The following FHIT variants were observed in gnomAD, a reference collection of about 807,000 sequenced individuals.
FHIT encodes bis(5'-adenosyl)-triphosphatase.
FHIT carries 19 observed loss-of-function variants against 17.9 expected under a neutral mutation model. That is an observed-to-expected ratio of 1.06 (90% CI 0.74 to 1.56). FHIT has a LOEUF of 1.56. Ranked by LOEUF, FHIT falls within the 40% of genes most tolerant of loss-of-function variation. The pLI is 0.00. For missense variants in FHIT, 248 were observed against 189.2 expected (o/e 1.31, Z -1.82); for synonymous variants, 81 against 69.7 (o/e 1.16, Z -0.81).
At chr3:60,391,547 T>C (rs956651493) in intron 5 of FHIT, among the ~76,000 whole-genome samples, 2 of 152,222 alleles carry the variant, frequency 1.3e-5, no homozygotes, top group East Asian at 3.8e-4. Context: ...AAGTGCCCTG[T>C]ACAGGTCTAC....
At position 60,088,226 on chromosome 3, in the gene FHIT, C is replaced by G. The variant is rs529119744; in HGVS notation, c.104-74074G>C. Among the ~76,000 whole-genome samples the G allele has an allele frequency of 1.1e-4, 17 of 152,262 alleles. No homozygotes were observed. In the South Asian group the frequency reaches 1.9e-3, roughly 17 times the overall value. ...AGGCATTAATCTATTCATGACGGAT[C>G]TGCCTTCATGATCCGAACACCTCCC... On this transcript the variant is annotated intron_variant, in intron 5 of 9. Transcript: ENST00000492590.
At chr3:60,945,154 C>T (rs1708584860) in intron 3 of FHIT, among the ~76,000 whole-genome samples, 1 of 151,924 alleles carries the variant, frequency 6.6e-6, no homozygotes, top group Non-Finnish European at 1.5e-5. Flanking sequence ...TTTGAGCAGA[C>T]ACCTAAGTGC....
intron 5 of FHIT, among the ~76,000 whole-genome samples, chr3:60,218,213 A>G (rs1703789679): frequency 6.6e-6 from 1 of 152,312 alleles, no homozygotes; most frequent in East Asian, 1.9e-4. Flanking sequence ...ACCACTGAAT[A>G]AGAAATTAAA....
chr3:61,053,843 A>G lies in FHIT; in HGVS notation c.-163-11744T>C, dbSNP rs547930661. On this transcript the variant is annotated intron_variant, in intron 2 of 9. Transcript: ENST00000492590. ...GAGAAATTACTAGACAAGAATCAGCAATCTGGAGCGAACCCAATCTAAAGG... is the reference window on the plus strand; with the variant it reads ...GAGAAATTACTAGACAAGAATCAGCGATCTGGAGCGAACCCAATCTAAAGG... Among the ~76,000 whole-genome samples, 5 of 152,314 alleles carry G rather than the reference A, an allele frequency of 3.3e-5. No individual in the cohort carries two copies. In the East Asian group the frequency reaches 9.6e-4, roughly 29 times the overall value.
chr3:60,958,267 G>A (rs1272975845), intron 3 of FHIT, among the ~76,000 whole-genome samples: 2 of 151,968 alleles, frequency 1.3e-5, no homozygotes, highest in African/African-American at 4.8e-5. Flanking sequence ...AATAAGGCAC[G>A]GTAAAATTCT....
chr3:59,760,157 A>C (rs571425149), intron 8 of FHIT, among the ~76,000 whole-genome samples: 1 of 152,338 alleles, frequency 6.6e-6, no homozygotes, highest in East Asian at 1.9e-4. Flanking sequence ...CTTGAGTAAA[A>C]GCAAGTATTT....
At chr3:60,496,770 G>T (rs1157206217) in intron 5 of FHIT, among the ~76,000 whole-genome samples, 5 of 151,962 alleles carry the variant, frequency 3.3e-5, no homozygotes, top group Non-Finnish European at 1.5e-5. Flanking sequence ...TTCCACTCAG[G>T]GACTAGAATA....
At position 60,378,513 on chromosome 3, in the gene FHIT, T is replaced by G. The variant is rs1001860739; in HGVS notation, c.103+158347A>C. 5.3e-5 allele frequency among the ~76,000 whole-genome samples: 8 copies of G among 152,060 alleles called. 1 individual carries two copies. Among genetic ancestry groups the G allele is most frequent in the Admixed American group, 3.9e-4 (6 of 15,274 alleles). ...ATCTAGAGACATTTAAATTAATCAT[T>G]TGGAGGTTGAAATACCAATTCCTTG... is the stretch of plus-strand genomic sequence containing the variant. On this transcript the variant is annotated intron_variant, in intron 5 of 9. Coordinates refer to ENST00000492590, the MANE Select transcript of FHIT (RefSeq NM_002012.4).
intron 2 of FHIT, among the ~76,000 whole-genome samples, chr3:61,186,833 T>G (rs1337754481): frequency 6.6e-6 from 1 of 152,220 alleles, no homozygotes; most frequent in Non-Finnish European, 1.5e-5. Flanking sequence ...CTGAACTCTC[T>G]TCACCCACTC....
chr3:60,834,881 G>GAAAAAA (rs71092645), intron 3 of FHIT, among the ~76,000 whole-genome samples: 29 of 94,452 alleles, frequency 3.1e-4, no homozygotes, highest in South Asian at 4.0e-4. Flanking sequence ...GAAAAGAAAA[G>GAAAAAA]AAAAAAAAAA....
chr3:60,928,592 C>T (rs1303130929), intron 3 of FHIT, among the ~76,000 whole-genome samples: 1 of 148,340 alleles, frequency 6.7e-6, no homozygotes, highest in Non-Finnish European at 1.5e-5. Flanking sequence ...TTTTTAAATG[C>T]TAAAAAAAAA....
At chr3:60,931,224 G>T (rs1707934660) in intron 3 of FHIT, among the ~76,000 whole-genome samples, 3 of 151,978 alleles carry the variant, frequency 2.0e-5, no homozygotes, top group African/African-American at 7.2e-5. Context: ...TGGGGTGGGG[G>T]GAGTGGGGAG....
At chr3:60,713,657 C>G (rs1287090818) in intron 4 of FHIT, among the ~76,000 whole-genome samples, 1 of 152,164 alleles carries the variant, frequency 6.6e-6, no homozygotes, top group Non-Finnish European at 1.5e-5. Context: ...CACCTCTATG[C>G]AAATAAACTA....
chr3:60,595,015 C>T (rs1261346095), intron 4 of FHIT, among the ~76,000 whole-genome samples: 1 of 152,090 alleles, frequency 6.6e-6, no homozygotes, highest in Non-Finnish European at 1.5e-5. Flanking sequence ...GTGTTCCTCA[C>T]ATGCCACTGG....
chr3:60,822,765 A>G (rs1388627042), intron 3 of FHIT, among the ~76,000 whole-genome samples: 3 of 152,112 alleles, frequency 2.0e-5, no homozygotes, highest in Non-Finnish European at 4.4e-5. Context: ...AAGCCCCATG[A>G]CCCACCTTAC....
At chr3:60,111,499 T>C (rs1704668860) in intron 5 of FHIT, among the ~76,000 whole-genome samples, 1 of 152,236 alleles carries the variant, frequency 6.6e-6, no homozygotes, top group Admixed American at 6.5e-5. Context: ...GATTAGTTTC[T>C]TCCAGCAATG....
chr3:60,765,430 A>T (rs992082732), intron 4 of FHIT: 1 of 152,180 alleles, frequency 6.6e-6, no homozygotes, highest in Non-Finnish European at 1.5e-5. Context: ...TTCATCAAAA[A>T]TGATTAGGGG....
At chr3:61,151,768 A>G (rs1206957513) in intron 2 of FHIT, among the ~76,000 whole-genome samples, 1 of 151,934 alleles carries the variant, frequency 6.6e-6, no homozygotes, top group East Asian at 1.9e-4. Flanking sequence ...GGTTTTCACC[A>G]TGTTGGCCAG....
chr3:61,209,588 T>C (rs1284344523), intron 1 of FHIT, among the ~76,000 whole-genome samples: 1 of 152,214 alleles, frequency 6.6e-6, no homozygotes, highest in Non-Finnish European at 1.5e-5. Context: ...ATACCCTTTC[T>C]TCCAGTTGAT....
Sources: gnomAD v4.1 joint callset for allele counts (sites outside exome capture counted in the v4.1 genomes callset) on GRCh38, gnomAD v4.1.1 for gene constraint, MANE v1.5 for transcripts, NCBI Gene and HGNC (gene_info 2026-07-23, HGNC 2026-07-21) for gene names.